The following ITPKB variants were observed in gnomAD, a reference collection of about 807,000 sequenced individuals.
The protein encoded by ITPKB is IP3 3-kinase B.
Under a neutral mutation model 69.4 loss-of-function variants are expected in ITPKB, and 13 were observed. The ratio of observed to expected loss-of-function variants is 0.19; its 90% confidence interval spans 0.12 to 0.30. The LOEUF (loss-of-function observed/expected upper bound fraction) is 0.30. Ranked by LOEUF, ITPKB falls within the 10% of genes least tolerant of loss-of-function variation. The pLI is 1.00. For missense variants in ITPKB, 1,240 were observed against 1,250.5 expected (o/e 0.99, Z 0.13); for synonymous variants, 584 against 513.7 (o/e 1.14, Z -1.85).
At position 226,648,782 on chromosome 1, in the gene ITPKB, A is replaced by G. The variant is rs1225842156; in HGVS notation, c.1933-11T>C. 6.4e-7 allele frequency: 1 copy of G among 1,552,530 alleles called. No homozygotes were observed. Among genetic ancestry groups the G allele is most frequent in the Non-Finnish European group, 8.9e-7 (1 of 1,123,890 alleles). ...CCTCCATGATTTGCTCTAGAAACAA[A>G]CAAACAAAAAGCTCTACATTAGAAA... On this transcript the variant is annotated splice_polypyrimidine_tract_variant and intron_variant, in intron 2 of 7. Transcript: ENST00000429204.
chr1:226,690,771 G>T (rs373886723), intron 2 of ITPKB, among the ~76,000 whole-genome samples: 1 of 152,148 alleles, frequency 6.6e-6, no homozygotes, highest in Admixed American at 6.5e-5. Context: ...ATCTCAACAC[G>T]TCAAAACTAG....
intron 2 of ITPKB, among the ~76,000 whole-genome samples, chr1:226,662,260 G>A (rs943795374): frequency 3.9e-5 from 6 of 152,198 alleles, no homozygotes; most frequent in African/African-American, 1.4e-4. Flanking sequence ...CATGCTGGAG[G>A]ATGACATTTA....
intron 2 of ITPKB, among the ~76,000 whole-genome samples, chr1:226,717,277 G>A (rs1037279564): frequency 5.3e-5 from 8 of 152,166 alleles, no homozygotes; most frequent in African/African-American, 1.7e-4. Flanking sequence ...AGGGTGCAAG[G>A]TGAAATCTAG....
intron 2 of ITPKB, among the ~76,000 whole-genome samples, chr1:226,655,227 A>T (rs1463673452): frequency 1.3e-5 from 2 of 152,240 alleles, no homozygotes; most frequent in Admixed American, 6.5e-5. Flanking sequence ...GATCATCTAC[A>T]TAACATGCAA....
chr1:226,670,280 C>A (rs1216202979), intron 2 of ITPKB, among the ~76,000 whole-genome samples: 1 of 151,354 alleles, frequency 6.6e-6, no homozygotes, highest in African/African-American at 2.4e-5. Context: ...TGGGAGGCAT[C>A]CCCAAGACAC....
At position 226,647,247 on chromosome 1, in the gene ITPKB, G is replaced by T. The variant is rs372098524; in HGVS notation, c.2166C>A (p.Asp722Glu). 2 of 1,614,170 alleles carry T rather than the reference G, an allele frequency of 1.2e-6. No homozygotes were observed. Among genetic ancestry groups the T allele is most frequent in the East Asian group, 2.2e-5 (1 of 44,878 alleles). The change falls in exon 4 of 8, where the codon GAC becomes GAA. Residue 722 changes from aspartate (D) to glutamate (E), a missense_variant. This residue lies in a region of ITPKB where 248 missense variants were observed against 396.7 expected (regional missense o/e 0.63). Coordinates refer to ENST00000429204, the MANE Select transcript of ITPKB (RefSeq NM_002221.4). ...CGTCCATCTGGTTGTAGCGCTCCCC[G>T]TCCTTCACCACATCCCCATGGTAGG... ...VPAYHGDVVK[D>E]GERYNQMDDL...
intron 2 of ITPKB, among the ~76,000 whole-genome samples, chr1:226,688,124 A>G (rs1031851968): frequency 6.6e-6 from 1 of 152,254 alleles, no homozygotes; most frequent in African/African-American, 2.4e-5. Context: ...CACTTCTGAT[A>G]GGGTTCACAC....
chr1:226,736,518 C>G lies in ITPKB; in HGVS notation c.941G>C (p.Gly314Ala), dbSNP rs759710042. ...GGCAAGATCCTGTGGACGGTGTGGC[C>G]CAGTGGATGTAACTCTCGCTGCCAC... ...TEVAARVTST[G>A]PHRPQDLALT... The change falls in exon 2 of 8, where the codon GGG becomes GCG. Residue 314 changes from glycine (G) to alanine (A), a missense_variant. Transcript: ENST00000429204. 3 of 1,613,980 alleles carry G rather than the reference C, an allele frequency of 1.9e-6. No individual in the cohort carries two copies. In the South Asian group the frequency reaches 3.3e-5, roughly 18 times the overall value.
At chr1:226,728,753 C>T (rs1337360117) in intron 2 of ITPKB, among the ~76,000 whole-genome samples, 1 of 152,110 alleles carries the variant, frequency 6.6e-6, no homozygotes, top group Non-Finnish European at 1.5e-5. Context: ...GAACGCTCAC[C>T]ACTCCATGAG....
chr1:226,671,881 G>A (rs1234045232), intron 2 of ITPKB, among the ~76,000 whole-genome samples: 1 of 152,204 alleles, frequency 6.6e-6, no homozygotes, highest in Admixed American at 6.5e-5. Context: ...TCACATATGA[G>A]GTCAGTTCTT....
At chr1:226,660,379 C>G (rs976588605) in intron 2 of ITPKB, among the ~76,000 whole-genome samples, 1 of 152,178 alleles carries the variant, frequency 6.6e-6, no homozygotes, top group Non-Finnish European at 1.5e-5. Flanking sequence ...ATCAAAGGGG[C>G]CTGCAATCTT....
chr1:226,715,829 GA>G (rs1316706790), intron 2 of ITPKB, among the ~76,000 whole-genome samples: 4 of 152,090 alleles, frequency 2.6e-5, no homozygotes, highest in Non-Finnish European at 5.9e-5. Flanking sequence ...ATTTATTTTT[GA>G]GATGAAGTCT....
chr1:226,700,481 A>AC (rs1460599442), intron 2 of ITPKB, among the ~76,000 whole-genome samples: 3 of 150,682 alleles, frequency 2.0e-5, no homozygotes, highest in African/African-American at 7.3e-5. Flanking sequence ...AAAAAAAAAA[A>AC]AAAAAAAAAA....
At chr1:226,722,837 A>G (rs1174917386) in intron 2 of ITPKB, among the ~76,000 whole-genome samples, 1 of 149,742 alleles carries the variant, frequency 6.7e-6, no homozygotes, top group Non-Finnish European at 1.5e-5. Context: ...AGCTCTGTAC[A>G]GATGCCTAAT....
At chr1:226,670,627 A>G (rs1407359606) in intron 2 of ITPKB, among the ~76,000 whole-genome samples, 1 of 152,246 alleles carries the variant, frequency 6.6e-6, no homozygotes, top group Non-Finnish European at 1.5e-5. Flanking sequence ...CGGAAAATAT[A>G]CAGACTTAGG....
At chr1:226,639,439 G>T in intron 6 of ITPKB, 118 bp downstream of exon 6, 1 of 725,518 alleles carries the variant, frequency 1.4e-6, no homozygotes, top group East Asian at 2.5e-5. Flanking sequence ...CTACGAACTC[G>T]GGCTGGGGTG....
At chr1:226,638,466 C>T (rs1668885122) in intron 6 of ITPKB, among the ~76,000 whole-genome samples, 1 of 152,216 alleles carries the variant, frequency 6.6e-6, no homozygotes, top group African/African-American at 2.4e-5. Context: ...CTGCTGTGGA[C>T]TGTTCAGAAG....
chr1:226,647,115 CCAT>C, intron 4 of ITPKB, 49 bp downstream of exon 4: 1 of 1,546,880 alleles, frequency 6.5e-7, no homozygotes, highest in Non-Finnish European at 8.9e-7. Context: ...TGTGCACCTG[CCAT>C]GTGGCTTGCA....
chr1:226,666,444 G>A (rs186856808), intron 2 of ITPKB, among the ~76,000 whole-genome samples: 68 of 152,286 alleles, frequency 4.5e-4, no homozygotes, highest in Non-Finnish European at 9.1e-4. Flanking sequence ...AGGGGCTCCA[G>A]GGGCTCTGGG....
Sources: gnomAD v4.1 joint callset for allele counts (sites outside exome capture counted in the v4.1 genomes callset) on GRCh38, gnomAD v4.1.1 for gene constraint, gnomAD v4.1.1 regional missense constraint, MANE v1.5 for transcripts, NCBI Gene and HGNC (gene_info 2026-07-23, HGNC 2026-07-21) for gene names.